The following MAML3 variants were observed in gnomAD, a reference collection of about 807,000 sequenced individuals.
MAML3 encodes mastermind like transcriptional coactivator 3, also known as mastermind-like protein 3.
In MAML3, 27 loss-of-function variants were observed where a neutral mutation model predicts 101.9. The ratio of observed to expected loss-of-function variants is 0.27; its 90% CI spans 0.20 to 0.37. The LOEUF (loss-of-function observed/expected upper bound fraction) is 0.37. Among genes scored for constraint, MAML3 ranks in the 10% least tolerant of loss-of-function variants. The pLI, the probability that MAML3 is intolerant of heterozygous loss-of-function variation, is 1.00. For synonymous variants in MAML3, 501 were observed against 555.9 expected (o/e 0.90, Z 1.39); for missense variants, 1,316 against 1,444.9 (o/e 0.91, Z 1.45).
At chr4:139,797,394 GAC>G (rs1022018072) in intron 2 of MAML3, among the ~76,000 whole-genome samples, 3 of 152,158 alleles carry the variant, frequency 2.0e-5, no homozygotes, top group Admixed American at 2.0e-4. Context: ...CATGGCTAAA[GAC>G]ACACATTCCC....
At chr4:139,723,556 C>A (rs1426473442) in intron 4 of MAML3, among the ~76,000 whole-genome samples, 1 of 152,136 alleles carries the variant, frequency 6.6e-6, no homozygotes, top group African/African-American at 2.4e-5. Flanking sequence ...AGGTGAACTG[C>A]CCGCCTCGGC....
At chr4:140,076,542 C>G (rs763665557) in intron 1 of MAML3, among the ~76,000 whole-genome samples, 3 of 152,194 alleles carry the variant, frequency 2.0e-5, no homozygotes, top group Non-Finnish European at 4.4e-5. Flanking sequence ...AGGCTCCAGG[C>G]CCCTGGAAGT....
intron 2 of MAML3, among the ~76,000 whole-genome samples, chr4:139,816,014 C>T (rs142807417): frequency 3.9e-5 from 6 of 152,252 alleles, no homozygotes; most frequent in East Asian, 1.9e-4. Flanking sequence ...CACCCCAGCT[C>T]CAATATAATT....
In MAML3 at chr4:139,825,942, A is replaced by G. The variant is rs139550250; in HGVS notation, c.2079+63415T>C. Among the ~76,000 whole-genome samples, 337 of 152,284 alleles carry G rather than the reference A, an allele frequency of 2.2e-3. 1 individual carries two copies. The highest frequency in any genetic ancestry group is 7.9e-3 in the African/African-American group (328 of 41,558). On this transcript the variant is annotated intron_variant, in intron 2 of 4. Coordinates refer to ENST00000509479, the MANE Select transcript of MAML3 (RefSeq NM_018717.5). ...GGCCATTATAGTTTCTCAGTGGAAC[A>G]TCAATCCTCATTTGTAACCCGGGGT... is the stretch of plus-strand genomic sequence containing the variant.
chr4:139,906,639 C>A (rs1459879252), intron 1 of MAML3, among the ~76,000 whole-genome samples: 1 of 152,208 alleles, frequency 6.6e-6, no homozygotes, highest in Non-Finnish European at 1.5e-5. Context: ...TGTCAACTTT[C>A]TGTTCAAATT....
At chr4:139,745,516 C>T (rs1159309933) in intron 2 of MAML3, among the ~76,000 whole-genome samples, 1 of 152,142 alleles carries the variant, frequency 6.6e-6, no homozygotes, top group African/African-American at 2.4e-5. Context: ...AAGCCAAATG[C>T]ACCTGCCAGG....
At chr4:140,136,227 A>G (rs1177831181) in intron 1 of MAML3, among the ~76,000 whole-genome samples, 1 of 152,166 alleles carries the variant, frequency 6.6e-6, no homozygotes, top group African/African-American at 2.4e-5. Flanking sequence ...GCAGGAGCCA[A>G]ATGTAATTCA....
intron 1 of MAML3, among the ~76,000 whole-genome samples, chr4:140,138,319 CATT>C (rs1215361697): frequency 6.6e-6 from 1 of 152,206 alleles, no homozygotes; most frequent in Non-Finnish European, 1.5e-5. Context: ...AATCTAAAAT[CATT>C]GTCTCCATGC....
intron 1 of MAML3, among the ~76,000 whole-genome samples, chr4:140,146,461 A>G (rs1729066777): frequency 6.6e-6 from 1 of 152,174 alleles, no homozygotes; most frequent in Admixed American, 6.5e-5. Flanking sequence ...TTTCTGCATA[A>G]TTTTATCTAA....
Position 140,025,632 on chromosome 4 carries a change from C to A in MAML3, c.468+127228G>T, listed in dbSNP as rs555607046. Among the ~76,000 whole-genome samples the A allele has an allele frequency of 6.1e-4, 93 of 152,246 alleles. 2 individuals are homozygous for A. The South Asian group carries it at 0.016, about 27-fold the overall frequency. On this transcript the variant is annotated intron_variant, in intron 1 of 4. Coordinates refer to ENST00000509479, the MANE Select transcript of MAML3 (RefSeq NM_018717.5). ...AAATAAAGGGAAGAGCATAGGGCAACCTGGACCAGAGACAGACAGGAAGAC... is the reference window on the plus strand; with the variant it reads ...AAATAAAGGGAAGAGCATAGGGCAAACTGGACCAGAGACAGACAGGAAGAC...
At chr4:139,999,257 T>C (rs1265779184) in intron 1 of MAML3, among the ~76,000 whole-genome samples, 2 of 152,188 alleles carry the variant, frequency 1.3e-5, no homozygotes, top group African/African-American at 4.8e-5. Flanking sequence ...TTATGGCCAC[T>C]GACAATGCCA....
chr4:139,811,101 G>A (rs1235761364), intron 2 of MAML3, among the ~76,000 whole-genome samples: 1 of 152,216 alleles, frequency 6.6e-6, no homozygotes, highest in Admixed American at 6.5e-5. Flanking sequence ...CTGACATTGT[G>A]CATCAGTTAC....
chr4:139,853,575 T>A (rs1394558795), intron 2 of MAML3, among the ~76,000 whole-genome samples: 1 of 152,124 alleles, frequency 6.6e-6, no homozygotes, highest in Non-Finnish European at 1.5e-5. Flanking sequence ...TGATCTCTGA[T>A]CAACCCCAAG....
chr4:140,107,804 C>CA (rs751630068), intron 1 of MAML3, among the ~76,000 whole-genome samples: 7 of 150,464 alleles, frequency 4.7e-5, no homozygotes, highest in Non-Finnish European at 1.0e-4. Flanking sequence ...CATGCCCGAC[C>CA]AAAAAAATGC....
intron 2 of MAML3, among the ~76,000 whole-genome samples, chr4:139,869,256 T>A (rs763665500): frequency 1.1e-4 from 17 of 152,174 alleles, no homozygotes; most frequent in Non-Finnish European, 2.2e-4. Context: ...CAGCAGAAGG[T>A]ACATGATACT....
At chr4:140,118,731 T>C (rs1728554473) in intron 1 of MAML3, among the ~76,000 whole-genome samples, 1 of 152,126 alleles carries the variant, frequency 6.6e-6, no homozygotes, top group Non-Finnish European at 1.5e-5. Context: ...CTGGTCAATA[T>C]TCATAAAGTA....
At chr4:140,020,819 A>C (rs915756482) in intron 1 of MAML3, among the ~76,000 whole-genome samples, 2 of 152,220 alleles carry the variant, frequency 1.3e-5, no homozygotes, top group Non-Finnish European at 2.9e-5. Context: ...ACAAATTAAA[A>C]AATTGACTTG....
At position 140,024,072 on chromosome 4, in the gene MAML3, T is replaced by C. The variant is rs535634934; in HGVS notation, c.468+128788A>G. Among the ~76,000 whole-genome samples, 178 of 152,256 alleles carry C rather than the reference T, an allele frequency of 1.2e-3. 1 individual carries two copies. The highest frequency in any genetic ancestry group is 6.8e-3 in the Middle Eastern group (2 of 294). On this transcript the variant is annotated intron_variant, in intron 1 of 4. Transcript: ENST00000509479. ...ATGTGACAAACATTATTCTAAGTAA[T>C]GTATATGTGTGTATCAATCTTAACA...
At chr4:139,922,045 C>A (rs1733140323) in intron 1 of MAML3, among the ~76,000 whole-genome samples, 1 of 152,114 alleles carries the variant, frequency 6.6e-6, no homozygotes, top group Admixed American at 6.5e-5. Flanking sequence ...GGACACAAGG[C>A]TTAACTGCAG....
Sources: gnomAD v4.1 joint callset for allele counts (sites outside exome capture counted in the v4.1 genomes callset) on GRCh38, gnomAD v4.1.1 for gene constraint, MANE v1.5 for transcripts, NCBI Gene and HGNC (gene_info 2026-07-23, HGNC 2026-07-21) for gene names.